PHGR1: variants seen among roughly 807,000 people sequenced by gnomAD.
The protein encoded by PHGR1 is proline, histidine and glycine-rich protein 1.
PHGR1 carries 3 observed loss-of-function variants against 4.9 expected under a neutral mutation model. The ratio of observed to expected loss-of-function variants is 0.61; its 90% CI spans 0.28 to 1.58. PHGR1 has a LOEUF of 1.58. PHGR1 is among the 40% of genes most tolerant of loss of function. The pLI, the probability that PHGR1 is intolerant of heterozygous loss-of-function variation, is 0.11. For synonymous variants in PHGR1, 32 were observed against 46.1 expected, an observed-to-expected ratio of 0.69 and a Z score of 1.24; for missense variants, 81 against 118.7, an observed-to-expected ratio of 0.68 and a Z score of 1.48.
At chr15:40,353,074 C>T (rs187467568) in intron 1 of PHGR1, among the ~76,000 whole-genome samples, 158 bp from the exon 2 acceptor site, 124 of 150,542 alleles carry the variant, frequency 8.2e-4, no homozygotes, top group African/African-American at 2.9e-3. Context: ...CAAGCTAAGC[C>T]GGAGGGAGCA....
Position 40,356,076 on chromosome 15 carries a change from C to G in PHGR1, c.22C>G (p.His8Asp), listed in dbSNP as rs1889289810. MDPGPKG[H>D]CHCGGHGHPP... ...TTGTTCATTTGACTTTCCACAGGGG[C>G]ACTGCCACTGTGGGGGGCATGGCCA... Residue 8 changes from histidine to aspartate, a missense_variant, in exon 4 of 4, where the codon CAC (histidine) becomes GAC (aspartate). Coordinates refer to ENST00000448599, the MANE Select transcript of PHGR1 (RefSeq NM_001145643.2). The G allele has an allele frequency of 6.5e-7, 1 of 1,549,906 alleles. No homozygotes were observed. The highest frequency in any genetic ancestry group is 8.7e-7 in the Non-Finnish European group (1 of 1,146,760).
intron 3 of PHGR1, among the ~76,000 whole-genome samples, 156 bp downstream of exon 3, chr15:40,354,508 G>T (rs981689190): frequency 2.0e-5 from 3 of 152,214 alleles, no homozygotes; most frequent in Admixed American, 2.0e-4. Context: ...GAGTGGGGGT[G>T]GGGTGGGCAG....
chr15:40,353,286 A>T lies in PHGR1; in HGVS notation c.10+19A>T. On this transcript the variant is annotated intron_variant, in intron 2 of 3. Transcript: ENST00000448599. The stretch of plus-strand genomic sequence containing the variant: ...GACCCAGGTAAGCACTGTGGCTGAG[A>T]GGCTGGGAATTGGAAGAAGGGAGAG... The T allele has an allele frequency of 6.4e-7, 1 of 1,551,586 alleles. No individual in the cohort carries two copies. Among genetic ancestry groups the T allele is most frequent in the South Asian group, 1.2e-5 (1 of 84,050 alleles).
intron 3 of PHGR1, among the ~76,000 whole-genome samples, chr15:40,354,589 C>G (rs1889260876): frequency 1.3e-5 from 2 of 152,130 alleles, no homozygotes; most frequent in Non-Finnish European, 2.9e-5. Flanking sequence ...CCATCTGTCT[C>G]TCTCCTTTCC....
chr15:40,353,146 T>TGTGC (rs56132408), intron 1 of PHGR1, 86 bp from the exon 2 acceptor site: 9,325 of 770,738 alleles, frequency 0.012, 157 homozygotes, highest in African/African-American at 0.068. Flanking sequence ...TGTGTGTGTG[T>TGTGC]GCGCGCGCGC....
chr15:40,354,377 C>T, intron 3 of PHGR1, 25 bp downstream of exon 3: 1 of 1,532,496 alleles, frequency 6.5e-7, no homozygotes, highest in Non-Finnish European at 8.8e-7. Context: ...CCAATGGTCT[C>T]CCCTTTTTCC....
chr15:40,352,365 G>C (rs1339230732), intron 1 of PHGR1, among the ~76,000 whole-genome samples: 1 of 152,084 alleles, frequency 6.6e-6, no homozygotes, highest in Non-Finnish European at 1.5e-5. Context: ...ATTTGCTCCT[G>C]ACGTCACATA....
intron 1 of PHGR1, 98 bp from the exon 2 acceptor site, chr15:40,353,127 GTGTGTGT>G: frequency 1.2e-6 from 1 of 847,352 alleles, no homozygotes. Context: ...GTGTGTGTGT[GTGTGTGT>G]GTGTGTGTGT....
chr15:40,355,587 C>G (rs1249503463), intron 3 of PHGR1, among the ~76,000 whole-genome samples: 1 of 152,112 alleles, frequency 6.6e-6, no homozygotes, highest in African/African-American at 2.4e-5. Flanking sequence ...TCTTCCCCTC[C>G]TCAGCTCTTT....
chr15:40,353,110 G>GGTGTGTGTGTGTGTGTGTGTGT (rs57886573), intron 1 of PHGR1, 122 bp from the exon 2 acceptor site: 2 of 564,508 alleles, frequency 3.5e-6, no homozygotes, highest in Admixed American at 3.2e-5. Flanking sequence ...TCCTTTGAAG[G>GGTGTGTGTGTGTGTGTGTGTGT]GTGTGTGTGT....
At chr15:40,355,968 C>T (rs895160775) in intron 3 of PHGR1, 105 bp from the exon 4 acceptor site, 1 of 1,247,048 alleles carries the variant, frequency 8.0e-7, no homozygotes, top group Non-Finnish European at 1.1e-6. Context: ...CCTTACTTGC[C>T]TAGAAATCCT....
rs57886573 is a variant in PHGR1, at chr15:40,353,110, GGTGTGTGTGT to G, written c.-26-94_-26-85del. On this transcript the variant is annotated intron_variant, in intron 1 of 3. Coordinates refer to ENST00000448599, the MANE Select transcript of PHGR1 (RefSeq NM_001145643.2). ...GTTTTTTCCCTTTCTTCCTTTGAAG[GGTGTGTGTGT>G]GTGTGTGTGTGTGTGTGTGTGTGTG... The G allele has an allele frequency of 8.6e-3, 4,849 of 562,538 alleles. 15 individuals are homozygous for G. Among genetic ancestry groups the G allele is most frequent in the East Asian group, 0.057 (1,595 of 28,118 alleles). 34.8% of individuals were successfully genotyped at this position (562,538 alleles called of 1,614,324 possible).
intron 3 of PHGR1, among the ~76,000 whole-genome samples, chr15:40,354,687 C>G (rs1889262463): frequency 6.6e-6 from 1 of 152,212 alleles, no homozygotes; most frequent in Admixed American, 6.5e-5. Context: ...TGGCTACCCC[C>G]ACAGCCTTGC....
intron 1 of PHGR1, among the ~76,000 whole-genome samples, chr15:40,352,620 C>T (rs2038870397): frequency 6.6e-6 from 1 of 152,160 alleles, no homozygotes; most frequent in African/African-American, 2.4e-5. Context: ...AGCTAGGACC[C>T]CATGGAAGGC....
At chr15:40,353,157 G>A (rs1479617335) in intron 1 of PHGR1, 75 bp from the exon 2 acceptor site, 8 of 1,359,176 alleles carry the variant, frequency 5.9e-6, no homozygotes, top group South Asian at 1.3e-5. Flanking sequence ...GCGCGCGCGC[G>A]CGCATCCGTG....
At chr15:40,355,573 T>C (rs903443048) in intron 3 of PHGR1, among the ~76,000 whole-genome samples, 1 of 152,066 alleles carries the variant, frequency 6.6e-6, no homozygotes, top group Non-Finnish European at 1.5e-5. Flanking sequence ...CCAACTGTCT[T>C]CCTTCTTCCC....
intron 3 of PHGR1, among the ~76,000 whole-genome samples, chr15:40,355,534 A>G (rs1889279326): frequency 2.6e-5 from 4 of 151,912 alleles, no homozygotes; most frequent in African/African-American, 9.7e-5. Context: ...TCACCTTGCC[A>G]CCTCCTACCC....
chr15:40,356,266 A>G lies in PHGR1; in HGVS notation c.212A>G (p.His71Arg), dbSNP rs996107518. 3.2e-6 allele frequency: 5 copies of G among 1,538,936 alleles called. No homozygotes were observed. Among genetic ancestry groups the G allele is most frequent in the African/African-American group, 1.4e-5 (1 of 70,896 alleles). ...GPGPCGPPPG[H>R]GPGHPPPGPH... ...GGGCCCTGCGGGCCTCCCCCTGGCC[A>G]TGGCCCAGGTCACCCACCCCCTGGT... Residue 71 changes from histidine to arginine, a missense_variant, in exon 4 of 4, where the codon CAT becomes CGT. Transcript: ENST00000448599.
At chr15:40,353,144 T>A in intron 1 of PHGR1, 88 bp from the exon 2 acceptor site, 26 of 899,680 alleles carry the variant, frequency 2.9e-5, no homozygotes, top group South Asian at 6.7e-5. Context: ...TGTGTGTGTG[T>A]GTGCGCGCGC....
Sources: gnomAD v4.1 joint callset for allele counts (sites outside exome capture counted in the v4.1 genomes callset) on GRCh38, gnomAD v4.1.1 for gene constraint, MANE v1.5 for transcripts, NCBI Gene and HGNC (gene_info 2026-07-23, HGNC 2026-07-21) for gene names.